Variants in ERBB4 observed in about 807,000 individuals in gnomAD.
The protein encoded by ERBB4 is receptor tyrosine-protein kinase erbB-4.
A neutral mutation model predicts 158.0 loss-of-function variants in ERBB4; 42 were observed. That is an observed-to-expected ratio of 0.27 (90% confidence interval 0.21 to 0.34). ERBB4 has a LOEUF of 0.34. Among genes scored for constraint, ERBB4 ranks in the 10% least tolerant of loss-of-function variants. The probability of loss-of-function intolerance (pLI) is 1.00; values close to 1 mark genes in which losing one functional copy is unlikely to be tolerated. For missense variants in ERBB4, 1,333 were observed against 1,624.1 expected (o/e 0.82, Z 3.08); for synonymous variants, 583 against 558.7 (o/e 1.04, Z -0.61).
At chr2:211,787,250 C>T (rs2076186568) in intron 4 of ERBB4, among the ~76,000 whole-genome samples, 1 of 152,072 alleles carries the variant, frequency 6.6e-6, no homozygotes, top group Admixed American at 6.5e-5. Flanking sequence ...ATTCTGTTTT[C>T]ATACAAATGT....
chr2:211,645,007 T>C (rs1005825496), intron 16 of ERBB4, among the ~76,000 whole-genome samples: 7 of 151,894 alleles, frequency 4.6e-5, no homozygotes, highest in Admixed American at 2.0e-4. Context: ...ATAGCAGTTA[T>C]TGGGTCCTAA....
chr2:211,772,852 T>TATACAC lies in ERBB4; in HGVS notation c.556+15172_556+15173insGTGTAT, dbSNP rs1553629932. The stretch of plus-strand genomic sequence containing the variant: ...ATATATATACACATATATATATATA[T>TATACAC]ATATATATATATATATACACATATA... On this transcript the variant is annotated intron_variant, in intron 4 of 27. Transcript: ENST00000342788. Among the ~76,000 whole-genome samples the TATACAC allele has an allele frequency of 2.8e-4, 16 of 57,130 alleles. 1 individual carries two copies. Among genetic ancestry groups the TATACAC allele is most frequent in the African/African-American group, 1.2e-3 (15 of 12,462 alleles). The allele number at this position is 57,130 out of a possible 152,430, so 37.5% of individuals were successfully genotyped here. A position where few individuals can be genotyped will look rare whatever the true frequency, so the allele number is the denominator to read the frequency against.
intron 2 of ERBB4, among the ~76,000 whole-genome samples, chr2:212,057,987 C>T (rs1418604052): frequency 6.6e-6 from 1 of 151,580 alleles, no homozygotes; most frequent in African/African-American, 2.4e-5. Context: ...TCAATGAATC[C>T]AGGAGCTGGT....
intron 25 of ERBB4, among the ~76,000 whole-genome samples, chr2:211,417,771 C>CATAG (rs1224234146): frequency 1.3e-5 from 2 of 152,052 alleles, no homozygotes; most frequent in Admixed American, 6.6e-5. Flanking sequence ...ACAAGCTTTT[C>CATAG]ATAGATAGTG....
intron 1 of ERBB4, among the ~76,000 whole-genome samples, chr2:212,443,626 C>T (rs1022329302): frequency 1.3e-5 from 2 of 152,198 alleles, no homozygotes; most frequent in Admixed American, 6.5e-5. Flanking sequence ...GGGTCCAGAA[C>T]AGGAGAAGGC....
chr2:212,380,456 C>G (rs1057454870), intron 1 of ERBB4, among the ~76,000 whole-genome samples: 5 of 143,058 alleles, frequency 3.5e-5, no homozygotes, highest in Middle Eastern at 3.2e-3. Context: ...AGGAATGACT[C>G]TGTGTGTGTG....
intron 5 of ERBB4, among the ~76,000 whole-genome samples, chr2:211,744,717 C>A (rs933680217): frequency 2.9e-4 from 44 of 152,182 alleles, no homozygotes; most frequent in Admixed American, 2.0e-4. Flanking sequence ...TGCTAGGAGA[C>A]ACCTGTGGGA....
intron 1 of ERBB4, among the ~76,000 whole-genome samples, chr2:212,434,103 T>C (rs1295724769): frequency 6.6e-6 from 1 of 151,928 alleles, no homozygotes; most frequent in African/African-American, 2.4e-5. Context: ...ATTTTACCCC[T>C]TAGGGGTCAG....
chr2:211,428,316 C>T (rs2063676395), intron 22 of ERBB4, 92 bp downstream of exon 22: 2 of 782,372 alleles, frequency 2.6e-6, no homozygotes, highest in Non-Finnish European at 2.3e-6. Flanking sequence ...ATTTATAACA[C>T]AACAAAATAA....
intron 20 of ERBB4, among the ~76,000 whole-genome samples, chr2:211,457,332 T>C (rs1234343653): frequency 6.6e-6 from 1 of 152,254 alleles, no homozygotes; most frequent in Non-Finnish European, 1.5e-5. Flanking sequence ...GTAATAGATA[T>C]ATTTATGCTC....
chr2:211,866,933 C>T (rs1164860304), intron 3 of ERBB4, among the ~76,000 whole-genome samples: 1 of 148,736 alleles, frequency 6.7e-6, no homozygotes, highest in Non-Finnish European at 1.5e-5. Flanking sequence ...TGCTCCCCTC[C>T]CTCTGTCTCT....
chr2:211,426,642 T>C (rs2063634623), intron 22 of ERBB4, among the ~76,000 whole-genome samples: 1 of 152,122 alleles, frequency 6.6e-6, no homozygotes, highest in African/African-American at 2.4e-5. Context: ...ATGACTGTTC[T>C]GCCCAGTTTA....
At chr2:211,909,491 C>G (rs1244732785) in intron 3 of ERBB4, among the ~76,000 whole-genome samples, 1 of 151,664 alleles carries the variant, frequency 6.6e-6, no homozygotes, top group East Asian at 2.0e-4. Context: ...CCTATTGCTC[C>G]TAGACTATAA....
intron 16 of ERBB4, among the ~76,000 whole-genome samples, chr2:211,637,209 A>G (rs1486266084): frequency 6.6e-6 from 1 of 151,940 alleles, no homozygotes; most frequent in Admixed American, 6.6e-5. Context: ...GCTCAGGGGT[A>G]TATTCTGTTT....
intron 1 of ERBB4, among the ~76,000 whole-genome samples, chr2:212,214,767 G>T (rs941817735): frequency 6.6e-6 from 1 of 151,512 alleles, no homozygotes; most frequent in Non-Finnish European, 1.5e-5. Context: ...ATCCCCAACA[G>T]AAATATTCTA....
chr2:212,324,395 G>A (rs191315424), intron 1 of ERBB4, among the ~76,000 whole-genome samples: 1 of 150,450 alleles, frequency 6.6e-6, no homozygotes, highest in South Asian at 2.1e-4. Flanking sequence ...AATGTATATA[G>A]AGCTTTATTA....
intron 1 of ERBB4, among the ~76,000 whole-genome samples, chr2:212,413,318 G>C (rs2091558834): frequency 6.6e-6 from 1 of 151,590 alleles, no homozygotes; most frequent in Non-Finnish European, 1.5e-5. Flanking sequence ...CTTTACTGTA[G>C]GCAAAGTCCT....
At chr2:212,338,914 A>C (rs1455404136) in intron 1 of ERBB4, among the ~76,000 whole-genome samples, 2 of 152,128 alleles carry the variant, frequency 1.3e-5, no homozygotes, top group Admixed American at 1.3e-4. Context: ...AAACCACCTC[A>C]TTCTCCTACC....
At chr2:211,608,970 C>G (rs2069087889) in intron 19 of ERBB4, among the ~76,000 whole-genome samples, 1 of 152,098 alleles carries the variant, frequency 6.6e-6, no homozygotes, top group South Asian at 2.1e-4. Flanking sequence ...CTGGGGTCAT[C>G]TCTAACCCTC....
Sources: allele counts gnomAD v4.1 joint callset (sites outside exome capture counted in the v4.1 genomes callset), GRCh38; gene constraint gnomAD v4.1.1; transcripts MANE v1.5; gene names NCBI Gene and HGNC (gene_info 2026-07-23, HGNC 2026-07-21).